Variants in GFPT2 observed in about 807,000 individuals in gnomAD.
GFPT2 encodes the protein glutamine--fructose-6-phosphate aminotransferase [isomerizing] 2.
Under a neutral mutation model 85.6 loss-of-function variants are expected in GFPT2, and 62 were observed. That is an observed-to-expected ratio of 0.72 (90% CI 0.59 to 0.90). GFPT2 has a LOEUF of 0.90. GFPT2 is among the 40% of genes least tolerant of loss of function. The pLI is 0.00. For synonymous variants in GFPT2, 368 were observed against 344.5 expected (o/e 1.07, Z -0.75); for missense variants, 788 against 893.4 (o/e 0.88, Z 1.50).
At chr5:180,339,450 C>T (rs1690112716) in intron 1 of GFPT2, among the ~76,000 whole-genome samples, 1 of 152,042 alleles carries the variant, frequency 6.6e-6, no homozygotes, top group Non-Finnish European at 1.5e-5. Flanking sequence ...CCCCTTGGCC[C>T]CTGCAGAATC....
At chr5:180,313,560 A>G (rs1763939549) in intron 14 of GFPT2, among the ~76,000 whole-genome samples, 1 of 151,824 alleles carries the variant, frequency 6.6e-6, no homozygotes, top group African/African-American at 2.4e-5. Flanking sequence ...CCTGCACTCC[A>G]GCCTGGGCGA....
At chr5:180,346,308 C>T (rs1013636630) in intron 1 of GFPT2, among the ~76,000 whole-genome samples, 1 of 152,170 alleles carries the variant, frequency 6.6e-6, no homozygotes, top group Admixed American at 6.5e-5. Context: ...AGAAACCTAT[C>T]CCAAGAAGAA....
intron 9 of GFPT2, among the ~76,000 whole-genome samples, chr5:180,322,530 G>A (rs567493892): frequency 6.6e-6 from 1 of 152,278 alleles, no homozygotes; most frequent in South Asian, 2.1e-4. Flanking sequence ...GTCACGTGAG[G>A]TGACACCTGA....
Position 180,323,237 on chromosome 5 carries a change from G to A in GFPT2, c.794+951C>T, listed in dbSNP as rs540587788. Among the ~76,000 whole-genome samples the A allele has an allele frequency of 1.3e-5, 2 of 152,206 alleles. No individual in the cohort carries two copies. Among genetic ancestry groups the A allele is most frequent in the East Asian group, 3.9e-4 (2 of 5,186 alleles). On this transcript the variant is annotated intron_variant, in intron 9 of 18. Coordinates refer to ENST00000253778, the MANE Select transcript of GFPT2 (RefSeq NM_005110.4). The surrounding 1 kb of genome is among the most constrained non-coding windows in gnomAD (Gnocchi z 4.0). ...CCAGCGTCTCGTTGGTATTCTCGGC[G>A]TGTTCTAAGGGGCACCATTTGGGAA...
intron 4 of GFPT2, among the ~76,000 whole-genome samples, chr5:180,332,056 T>C (rs1392326444): frequency 6.6e-6 from 1 of 152,222 alleles, no homozygotes; most frequent in Non-Finnish European, 1.5e-5. Context: ...CACTTTAAAA[T>C]CCTGGTTTCC....
intron 13 of GFPT2, among the ~76,000 whole-genome samples, chr5:180,315,581 C>T (rs1169995124): frequency 2.0e-5 from 3 of 152,168 alleles, no homozygotes; most frequent in South Asian, 2.1e-4. Context: ...CCCATGGAGA[C>T]GAGGGGTTAA....
At chr5:180,339,116 A>C (rs963644245) in intron 1 of GFPT2, among the ~76,000 whole-genome samples, 6 of 152,268 alleles carry the variant, frequency 3.9e-5, no homozygotes, top group African/African-American at 1.4e-4. Flanking sequence ...GCGGTGGCTC[A>C]TGCCTGTAAT....
At chr5:180,312,918 A>T (rs1242294019) in intron 14 of GFPT2, among the ~76,000 whole-genome samples, 1 of 152,114 alleles carries the variant, frequency 6.6e-6, no homozygotes, top group Non-Finnish European at 1.5e-5. Flanking sequence ...CTGGGATTAC[A>T]GGCACCCGCC....
chr5:180,316,901 C>T (rs1764020553), intron 11 of GFPT2, 40 bp from the exon 12 acceptor site: 1 of 1,557,902 alleles, frequency 6.4e-7, no homozygotes, highest in South Asian at 1.1e-5. Context: ...TGAGTCTACA[C>T]AGTCACCGCA....
intron 1 of GFPT2, 57 bp downstream of exon 1, chr5:180,353,154 G>A: frequency 8.2e-7 from 1 of 1,223,250 alleles, no homozygotes; most frequent in Non-Finnish European, 1.0e-6. Context: ...GAGAGGCTGC[G>A]GCGCCGGGAC....
In GFPT2 at chr5:180,313,836, C is replaced by T. The variant is rs1292385001; in HGVS notation, c.1402G>A (p.Gly468Arg). ...GTGCTGGCCACGCCGATCTCCGGCCCTGCGTTGATGTGGACGCCGCAGTCG... is the reference window on the plus strand; with the variant it reads ...GTGCTGGCCACGCCGATCTCCGGCCTTGCGTTGATGTGGACGCCGCAGTCG... The part of the protein sequence containing the change: ...ETDCGVHINA[G>R]PEIGVASTKA... The change falls in exon 14 of 19, where the codon GGG becomes AGG. Residue 468 changes from glycine to arginine, a missense_variant. Physicochemically the swap from Gly to Arg is moderately radical, Grantham distance 125 (BLOSUM62 -2). Coordinates refer to ENST00000253778, the MANE Select transcript of GFPT2 (RefSeq NM_005110.4). The T allele has an allele frequency of 2.5e-6, 4 of 1,584,830 alleles. No individual in the cohort carries two copies. The highest frequency in any genetic ancestry group is 3.4e-6 in the Non-Finnish European group (4 of 1,169,036).
Position 180,331,526 on chromosome 5 carries a change from A to G in GFPT2, c.368T>C (p.Ile123Thr). The change falls in exon 5 of 19, where the codon ATC becomes ACC. Residue 123 changes from isoleucine to threonine, a missense_variant. Coordinates refer to ENST00000253778, the MANE Select transcript of GFPT2 (RefSeq NM_005110.4). ...TTTCCTCAGATCTTTGTAATTTGTG[A>G]TGATCCCATTGTGGATGACAACAAA... ...NEFVVIHNGI[I>T]TNYKDLRKFL... 10 of 1,594,564 alleles carry G rather than the reference A, an allele frequency of 6.3e-6. No individual in the cohort carries two copies. Among genetic ancestry groups the G allele is most frequent in the Non-Finnish European group, 8.6e-6 (10 of 1,162,088 alleles).
At chr5:180,349,047 T>C (rs914733122) in intron 1 of GFPT2, among the ~76,000 whole-genome samples, 6 of 151,482 alleles carry the variant, frequency 4.0e-5, no homozygotes, top group Admixed American at 3.3e-4. Flanking sequence ...GCCATTTCTA[T>C]TTTTTAATAG....
In GFPT2 at chr5:180,317,665, A is replaced by G. The variant is rs867395108; in HGVS notation, c.959-607T>C. ...TCCCAGCTACTTGGGAGGCTGAGGC[A>G]GGAGAATGGCGTGAACCCGGGAGGC... On this transcript the variant is annotated intron_variant, in intron 10 of 18. Transcript: ENST00000253778. Among the ~76,000 whole-genome samples the G allele has an allele frequency of 1.1e-3, 148 of 131,110 alleles. No individual in the cohort carries two copies. In the Middle Eastern group the frequency reaches 0.021, roughly 19 times the overall value. The allele number at this position is 131,110 out of a possible 152,430, so 86.0% of individuals were successfully genotyped here.
At position 180,316,215 on chromosome 5, in the gene GFPT2, G is replaced by T. The variant is rs377142524; in HGVS notation, c.1273+126C>A. 5.4e-6 allele frequency: 5 copies of T among 922,222 alleles called. No individual in the cohort carries two copies. In the African/African-American group the frequency reaches 6.6e-5, roughly 12 times the overall value. The allele number at this position is 922,222 out of a possible 1,614,324, so 57.1% of individuals were successfully genotyped here. A position where few individuals can be genotyped will look rare whatever the true frequency, so the allele number is the denominator to read the frequency against. On this transcript the variant is annotated intron_variant, in intron 13 of 18. Transcript: ENST00000253778. ...TAATCCATGGCTCTACGGGTTAAAT[G>T]ACCGCTGCAAGAGAGGGTTCGCAGC... is the stretch of plus-strand genomic sequence containing the variant.
intron 6 of GFPT2, among the ~76,000 whole-genome samples, chr5:180,329,956 C>G (rs1273794452): frequency 6.6e-6 from 1 of 152,216 alleles, no homozygotes; most frequent in Non-Finnish European, 1.5e-5. Context: ...TGGGATGTCC[C>G]CAATCTCTCT....
In GFPT2 at chr5:180,306,834, C is replaced by T. The variant is rs954123049; in HGVS notation, c.1674+342G>A. ...CTCCTGAATGAGGGTGAATAGCAAC[C>T]GCCAACCTCTCAGAAGCAGCTCATG... On this transcript the variant is annotated intron_variant, in intron 16 of 18. Transcript: ENST00000253778. Among the ~76,000 whole-genome samples the T allele has an allele frequency of 4.7e-4, 71 of 152,186 alleles. 2 individuals are homozygous for T. The highest frequency in any genetic ancestry group is 7.2e-5 in the African/African-American group (3 of 41,454).
Position 180,301,155 on chromosome 5 carries a change from G to C in GFPT2, c.*409C>G, listed in dbSNP as rs1351045140. The C allele has an allele frequency of 5.0e-6, 1 of 198,644 alleles. No homozygotes were observed. The highest frequency in any genetic ancestry group is 1.0e-5 in the Non-Finnish European group (1 of 97,096). The allele number at this position is 198,644 out of a possible 1,614,324, so 12.3% of individuals were successfully genotyped here. On this transcript the variant is annotated 3_prime_UTR_variant, in exon 19 of 19. Coordinates refer to ENST00000253778, the MANE Select transcript of GFPT2 (RefSeq NM_005110.4). ...CATGGGTAGCTAGGATGAACAGTTT[G>C]GCCGTTACCACGGCTACAGAAAGCC...
chr5:180,317,207 A>G, intron 10 of GFPT2, 149 bp from the exon 11 acceptor site: 1 of 662,174 alleles, frequency 1.5e-6, no homozygotes, highest in Non-Finnish European at 2.7e-6. Context: ...CTACCATCAG[A>G]GGGAAGCAGG....
Sources: gnomAD v4.1 joint callset for allele counts (sites outside exome capture counted in the v4.1 genomes callset) on GRCh38, gnomAD v4.1.1 for gene constraint, Gnocchi (gnomAD v3.1) non-coding constraint, MANE v1.5 for transcripts, NCBI Gene and HGNC (gene_info 2026-07-23, HGNC 2026-07-21) for gene names.